The following CCDC81 variants were observed in gnomAD, a reference collection of about 807,000 sequenced individuals.
CCDC81 encodes the protein coiled-coil domain containing 81.
In CCDC81, 79 loss-of-function variants were observed where a neutral mutation model predicts 83.7. That is an observed-to-expected ratio of 0.94 (90% CI 0.79 to 1.14). The LOEUF is 1.14. Ranked by LOEUF, CCDC81 falls within the 50% of genes most tolerant of loss-of-function variation. CCDC81 has a pLI of 0.00. For missense variants in CCDC81, 791 were observed against 778.1 expected (o/e 1.02, Z -0.20); for synonymous variants, 252 against 278.1 (o/e 0.91, Z 0.93).
At chr11:86,398,897 G>T (rs1388984181) in intron 6 of CCDC81, among the ~76,000 whole-genome samples, 1 of 152,104 alleles carries the variant, frequency 6.6e-6, no homozygotes. Context: ...AGGGTCCTAG[G>T]GACCCCAAAA....
chr11:86,389,252 T>G (rs1948290438), intron 3 of CCDC81, among the ~76,000 whole-genome samples: 2 of 151,772 alleles, frequency 1.3e-5, no homozygotes, highest in South Asian at 4.2e-4. Flanking sequence ...ATAATAATAA[T>G]AATAAGATAA....
intron 14 of CCDC81, among the ~76,000 whole-genome samples, chr11:86,421,872 C>T (rs375263339): frequency 8.1e-5 from 12 of 148,856 alleles, no homozygotes; most frequent in Non-Finnish European, 1.3e-4. Context: ...GAGCTGTGAT[C>T]GCACACTCCA....
At position 86,407,662 on chromosome 11, in the gene CCDC81, A is replaced by G. The variant is rs754674688; in HGVS notation, c.930A>G (p.Gln310=). ...CLKHDSEMKP[Q]TSPACQDHNK... ...AACACGACAGTGAGATGAAGCCCCA[A>G]ACATCTCCAGCTTGCCAGGATCATA... Residue 310 remains glutamine (Q), a synonymous_variant, in exon 8 of 15, where the codon CAA becomes CAG. Transcript: ENST00000445632. The G allele has an allele frequency of 1.9e-6, 3 of 1,613,814 alleles. No homozygotes were observed. Among genetic ancestry groups the G allele is most frequent in the South Asian group, 1.1e-5 (1 of 91,012 alleles).
chr11:86,402,514 G>T (rs1948507104), intron 7 of CCDC81, among the ~76,000 whole-genome samples: 1 of 151,828 alleles, frequency 6.6e-6, no homozygotes, highest in African/African-American at 2.4e-5. Flanking sequence ...TCTCCTATTG[G>T]ATATTTAGAT....
chr11:86,402,096 C>T (rs1016545810), intron 7 of CCDC81, among the ~76,000 whole-genome samples: 1 of 140,016 alleles, frequency 7.1e-6, no homozygotes, highest in Admixed American at 7.4e-5. Flanking sequence ...GATAGTGCCA[C>T]TGCTCTCTAG....
chr11:86,420,726 A>G (rs1290518453), intron 14 of CCDC81, among the ~76,000 whole-genome samples: 1 of 152,204 alleles, frequency 6.6e-6, no homozygotes, highest in African/African-American at 2.4e-5. Flanking sequence ...TGTAGAATGG[A>G]TCTTGATCTG....
intron 1 of CCDC81, among the ~76,000 whole-genome samples, chr11:86,377,371 C>G (rs1459251251): frequency 6.6e-6 from 1 of 152,222 alleles, no homozygotes; most frequent in Non-Finnish European, 1.5e-5. Flanking sequence ...TTGTGAGAAA[C>G]TGCCAGACTG....
intron 13 of CCDC81, among the ~76,000 whole-genome samples, chr11:86,416,284 T>G (rs570944833): frequency 1.7e-4 from 26 of 152,332 alleles, no homozygotes; most frequent in African/African-American, 6.3e-4. Flanking sequence ...TTAAAAAAAT[T>G]TATTCCCTTA....
chr11:86,397,855 A>G, intron 6 of CCDC81, 113 bp downstream of exon 6: 1 of 1,234,882 alleles, frequency 8.1e-7, no homozygotes, highest in Non-Finnish European at 1.1e-6. Flanking sequence ...CTATATTATT[A>G]TTACTTTTTT....
At chr11:86,382,562 A>G (rs1384301746) in intron 1 of CCDC81, among the ~76,000 whole-genome samples, 1 of 152,188 alleles carries the variant, frequency 6.6e-6, no homozygotes, top group Non-Finnish European at 1.5e-5. Flanking sequence ...TTTGTGATAT[A>G]TAAGCAGGCA....
chr11:86,398,732 C>T (rs772038625), intron 6 of CCDC81, among the ~76,000 whole-genome samples: 1 of 151,974 alleles, frequency 6.6e-6, no homozygotes, highest in Non-Finnish European at 1.5e-5. Context: ...ACCACCACGC[C>T]CAGCTAATTT....
rs2138539145 is a variant in CCDC81 at position 86,414,755 on chromosome 11, C to T, written c.1392-34C>T. 6 of 1,458,272 alleles carry T rather than the reference C, an allele frequency of 4.1e-6. No individual in the cohort carries two copies. In the East Asian group the frequency reaches 1.4e-4, roughly 33 times the overall value. 90.3% of individuals were successfully genotyped at this position (1,458,272 alleles called of 1,614,324 possible). A position where few individuals can be genotyped will look rare whatever the true frequency, so the allele number is the denominator to read the frequency against. On this transcript the variant is annotated intron_variant, in intron 11 of 14. Transcript: ENST00000445632. ...ATCCATATTACTAAAGACTGCAAAACTGTGGTCCATCTTCTCTTGTTCTTA... is the reference window on the plus strand; with the variant it reads ...ATCCATATTACTAAAGACTGCAAAATTGTGGTCCATCTTCTCTTGTTCTTA...
intron 6 of CCDC81, among the ~76,000 whole-genome samples, chr11:86,399,303 T>C (rs1948451435): frequency 6.6e-6 from 1 of 152,132 alleles, no homozygotes. Flanking sequence ...ACCCCTTTTT[T>C]GGGAAAAATT....
intron 13 of CCDC81, among the ~76,000 whole-genome samples, chr11:86,418,253 G>A (rs1470227382): frequency 6.6e-6 from 1 of 152,024 alleles, no homozygotes; most frequent in Non-Finnish European, 1.5e-5. Context: ...GTGTACTGTT[G>A]GTGCAAACAT....
chr11:86,394,568 G>A (rs914481425), intron 4 of CCDC81, among the ~76,000 whole-genome samples: 1 of 152,182 alleles, frequency 6.6e-6, no homozygotes, highest in African/African-American at 2.4e-5. Flanking sequence ...CAAATGACCC[G>A]TAACTTAAAA....
rs566178136 is a variant in CCDC81, at chr11:86,400,061, G to A, written c.758-617G>A. ...TGGGAGAATTGCTAGAACCTGGGAG[G>A]CAGAAGTTGCAATGAGCTGAGATTG... On this transcript the variant is annotated intron_variant, in intron 6 of 14. Transcript: ENST00000445632. Among the ~76,000 whole-genome samples the A allele has an allele frequency of 2.0e-5, 3 of 150,942 alleles. No homozygotes were observed. In the South Asian group the frequency reaches 6.3e-4, roughly 32 times the overall value.
intron 4 of CCDC81, among the ~76,000 whole-genome samples, chr11:86,394,421 G>A (rs1010960959): frequency 6.6e-6 from 1 of 152,238 alleles, no homozygotes; most frequent in Non-Finnish European, 1.5e-5. Context: ...GAGCTGAGAA[G>A]TCTGGCTGGA....
At chr11:86,406,704 C>T (rs911195144) in intron 7 of CCDC81, among the ~76,000 whole-genome samples, 1 of 152,060 alleles carries the variant, frequency 6.6e-6, no homozygotes, top group Non-Finnish European at 1.5e-5. Context: ...ACTCAGGAGG[C>T]CGAGGCAGGA....
At chr11:86,395,476 A>C in intron 5 of CCDC81, 63 bp downstream of exon 5, 109 of 1,259,358 alleles carry the variant, frequency 8.7e-5, no homozygotes, top group Non-Finnish European at 1.1e-4. Flanking sequence ...TGCTGATCTC[A>C]TTGGGCAGTG....
Sources: gnomAD v4.1 joint callset for allele counts (sites outside exome capture counted in the v4.1 genomes callset) on GRCh38, gnomAD v4.1.1 for gene constraint, MANE v1.5 for transcripts, NCBI Gene and HGNC (gene_info 2026-07-23, HGNC 2026-07-21) for gene names.